The following GALNTL5 variants were observed in gnomAD, a reference collection of about 807,000 sequenced individuals.
GALNTL5 encodes the protein polypeptide N-acetylgalactosaminyltransferase like 5.
Under a neutral mutation model 51.0 loss-of-function variants are expected in GALNTL5, and 44 were observed. That is an observed-to-expected ratio of 0.86 (90% CI 0.68 to 1.11). GALNTL5 has a LOEUF of 1.11. Ranked by LOEUF, GALNTL5 falls within the 50% of genes least tolerant of loss-of-function variation. The pLI, the probability that GALNTL5 is intolerant of heterozygous loss-of-function variation, is 0.00. For synonymous variants in GALNTL5, 192 were observed against 182.8 expected, an observed-to-expected ratio of 1.05 and a Z score of -0.41; for missense variants, 528 against 531.8, an observed-to-expected ratio of 0.99 and a Z score of 0.07.
At chr7:151,994,348 A>C (rs1288352631) in intron 5 of GALNTL5, among the ~76,000 whole-genome samples, 1 of 151,918 alleles carries the variant, frequency 6.6e-6, no homozygotes, top group African/African-American at 2.4e-5. Context: ...AACTGTACCT[A>C]CTGAGCCTGG....
At chr7:152,008,334 G>A (rs936223498) in intron 7 of GALNTL5, among the ~76,000 whole-genome samples, 3 of 151,464 alleles carry the variant, frequency 2.0e-5, no homozygotes, top group Non-Finnish European at 4.4e-5. Flanking sequence ...TCCCATCTCG[G>A]CCTCCCAAAG....
chr7:151,956,624 C>A lies in GALNTL5; in HGVS notation c.-40+15C>A, dbSNP rs2080928776. The A allele has an allele frequency of 6.6e-6, 1 of 152,154 alleles. No individual in the cohort carries two copies. Among genetic ancestry groups the A allele is most frequent in the African/African-American group, 2.4e-5 (1 of 41,418 alleles). The allele number at this position is 152,154 out of a possible 1,614,324, so 9.4% of individuals were successfully genotyped here. A position where few individuals can be genotyped will look rare whatever the true frequency, so the allele number is the denominator to read the frequency against. ...TTATCTCAAGGGTAGGTGAAGTGAG[C>A]CCCATGTGCTAGAAGTGGGAACAAA... On this transcript the variant is annotated intron_variant, in intron 1 of 8. Coordinates refer to ENST00000392800, the MANE Select transcript of GALNTL5 (RefSeq NM_145292.4).
At chr7:151,988,742 C>G (rs1409965644) in intron 5 of GALNTL5, among the ~76,000 whole-genome samples, 1 of 149,214 alleles carries the variant, frequency 6.7e-6, no homozygotes, top group African/African-American at 2.5e-5. Context: ...GACAGTTTCC[C>G]TCTGTCACCC....
chr7:152,006,396 A>T (rs1234108332), intron 6 of GALNTL5, among the ~76,000 whole-genome samples: 1 of 152,230 alleles, frequency 6.6e-6, no homozygotes, highest in African/African-American at 2.4e-5. Flanking sequence ...TGGGGTCAAA[A>T]TAAGGCGGTT....
intron 7 of GALNTL5, among the ~76,000 whole-genome samples, chr7:152,012,095 CA>C (rs915189182): frequency 1.3e-5 from 2 of 152,144 alleles, no homozygotes; most frequent in African/African-American, 4.8e-5. Flanking sequence ...GGCAGGAATT[CA>C]AAAGTCAAGC....
chr7:152,007,695 G>A, intron 6 of GALNTL5, 132 bp from the exon 7 acceptor site: 1 of 674,770 alleles, frequency 1.5e-6, no homozygotes, highest in African/African-American at 1.8e-5. Flanking sequence ...TGGGATTACA[G>A]GCATGAGCCT....
chr7:151,999,935 A>G (rs2081550232), intron 5 of GALNTL5, among the ~76,000 whole-genome samples: 1 of 152,206 alleles, frequency 6.6e-6, no homozygotes, highest in South Asian at 2.1e-4. Context: ...AACCAATGAG[A>G]TGGCTCAGCC....
At chr7:151,987,619 G>A (rs552495540) in intron 5 of GALNTL5, among the ~76,000 whole-genome samples, 4 of 149,746 alleles carry the variant, frequency 2.7e-5, no homozygotes, top group East Asian at 2.0e-4. Context: ...AAGACTGGGG[G>A]TGGGGTGGGC....
intron 2 of GALNTL5, 46 bp from the exon 3 acceptor site, chr7:151,970,899 G>C: frequency 6.7e-7 from 1 of 1,501,914 alleles, no homozygotes; most frequent in South Asian, 1.2e-5. Flanking sequence ...CTGCATCACT[G>C]CTAGTAAGCC....
At chr7:151,973,081 G>T (rs2081165373) in intron 3 of GALNTL5, among the ~76,000 whole-genome samples, 1 of 152,136 alleles carries the variant, frequency 6.6e-6, no homozygotes, top group South Asian at 2.1e-4. Context: ...AAGCAGAACT[G>T]CCCAAGGCCT....
intron 6 of GALNTL5, among the ~76,000 whole-genome samples, chr7:152,006,330 A>G (rs560044655): frequency 6.6e-6 from 1 of 152,356 alleles, no homozygotes; most frequent in African/African-American, 2.4e-5. Context: ...GTGATGGACA[A>G]ATCTTTCTAA....
At chr7:151,980,531 T>C (rs1469205883) in intron 3 of GALNTL5, among the ~76,000 whole-genome samples, 1 of 152,104 alleles carries the variant, frequency 6.6e-6, no homozygotes. Context: ...TTGAGTCTGA[T>C]GTCAGTTCCA....
chr7:151,983,281 GA>G (rs2081318172), intron 4 of GALNTL5, 129 bp downstream of exon 4: 1 of 757,686 alleles, frequency 1.3e-6, no homozygotes, highest in African/African-American at 1.7e-5. Context: ...GAGTTCAAGC[GA>G]TTCTCCTGCC....
chr7:151,987,131 C>A, intron 4 of GALNTL5, 28 bp from the exon 5 acceptor site: 1 of 1,560,648 alleles, frequency 6.4e-7, no homozygotes, highest in Admixed American at 2.0e-5. Context: ...GCCGTTTATA[C>A]ATTCTCATGT....
At chr7:151,993,647 A>C (rs1345733679) in intron 5 of GALNTL5, among the ~76,000 whole-genome samples, 2 of 151,994 alleles carry the variant, frequency 1.3e-5, no homozygotes, top group African/African-American at 4.8e-5. Flanking sequence ...CTGAGACAGG[A>C]TCTCTCTCTG....
chr7:152,012,879 A>C (rs1197056375), intron 7 of GALNTL5, among the ~76,000 whole-genome samples: 1 of 152,116 alleles, frequency 6.6e-6, no homozygotes, highest in East Asian at 1.9e-4. Context: ...AGGCATGAGA[A>C]TCGCTTGAAC....
At chr7:152,005,116 G>C (rs1370672841) in intron 6 of GALNTL5, among the ~76,000 whole-genome samples, 1 of 152,136 alleles carries the variant, frequency 6.6e-6, no homozygotes, top group African/African-American at 2.4e-5. Context: ...GCCAGCATCT[G>C]TTACATATTA....
At chr7:151,990,253 A>T (rs2081410097) in intron 5 of GALNTL5, among the ~76,000 whole-genome samples, 1 of 151,950 alleles carries the variant, frequency 6.6e-6, no homozygotes, top group Non-Finnish European at 1.5e-5. Flanking sequence ...CATATTGGCC[A>T]GGCTAGTCTC....
At chr7:151,988,280 G>A (rs2081385909) in intron 5 of GALNTL5, among the ~76,000 whole-genome samples, 1 of 152,224 alleles carries the variant, frequency 6.6e-6, no homozygotes, top group Non-Finnish European at 1.5e-5. Context: ...CTGGGCGGCT[G>A]AGTCCCAGGA....
Sources: gnomAD v4.1 joint callset for allele counts (sites outside exome capture counted in the v4.1 genomes callset) on GRCh38, gnomAD v4.1.1 for gene constraint, MANE v1.5 for transcripts, NCBI Gene and HGNC (gene_info 2026-07-23, HGNC 2026-07-21) for gene names.